The following SHC3 variants were observed in gnomAD, a reference collection of about 807,000 sequenced individuals.
SHC3 encodes the protein SHC adaptor protein 3, also known as SHC-transforming protein 3.
A neutral mutation model predicts 60.4 loss-of-function variants in SHC3; 15 were observed. That is an observed-to-expected ratio of 0.25 (90% CI 0.17 to 0.38). The LOEUF (loss-of-function observed/expected upper bound fraction) is 0.38, where lower values mean the gene tolerates loss of function less well. Among genes scored for constraint, SHC3 ranks in the 10% least tolerant of loss-of-function variants. The pLI is 1.00. For synonymous variants in SHC3, 294 were observed against 325.9 expected, an observed-to-expected ratio of 0.90 and a Z score of 1.05; for missense variants, 677 against 786.1, an observed-to-expected ratio of 0.86 and a Z score of 1.66.
chr9:89,028,777 T>TAGATATAGAG (rs997128994), intron 11 of SHC3, among the ~76,000 whole-genome samples: 1 of 146,454 alleles, frequency 6.8e-6, no homozygotes, highest in Non-Finnish European at 1.5e-5. Flanking sequence ...ATTCTCTATA[T>TAGATATAGAG]AGATATAGAG....
chr9:89,151,898 C>T (rs773373924), intron 1 of SHC3, among the ~76,000 whole-genome samples: 140 of 152,104 alleles, frequency 9.2e-4, no homozygotes, highest in Non-Finnish European at 3.4e-4. Flanking sequence ...CTGCAATTAG[C>T]ATGTATTGCC....
At chr9:89,124,925 T>A (rs965357392) in intron 1 of SHC3, among the ~76,000 whole-genome samples, 2 of 152,032 alleles carry the variant, frequency 1.3e-5, no homozygotes, top group Non-Finnish European at 2.9e-5. Flanking sequence ...TAAATGTGTA[T>A]CTGCACCTGT....
intron 7 of SHC3, among the ~76,000 whole-genome samples, chr9:89,049,253 T>TC (rs1824824213): frequency 6.7e-6 from 1 of 150,252 alleles, no homozygotes; most frequent in African/African-American, 2.5e-5. Context: ...AGAGCCAGAC[T>TC]CCCTCTTAAA....
chr9:89,041,470 G>A (rs1166327202), intron 10 of SHC3, among the ~76,000 whole-genome samples: 1 of 152,178 alleles, frequency 6.6e-6, no homozygotes, highest in Non-Finnish European at 1.5e-5. Context: ...AATGGTAAGT[G>A]TTCAGTAAAT....
At chr9:89,115,488 G>A (rs1399669831) in intron 1 of SHC3, among the ~76,000 whole-genome samples, 1 of 152,068 alleles carries the variant, frequency 6.6e-6, no homozygotes, top group African/African-American at 2.4e-5. Flanking sequence ...AAATGTCATG[G>A]GTTCATGTGA....
chr9:89,024,109 G>A (rs896876263), intron 11 of SHC3, among the ~76,000 whole-genome samples: 3 of 152,070 alleles, frequency 2.0e-5, no homozygotes, highest in African/African-American at 7.2e-5. Flanking sequence ...TGCCTTCCCA[G>A]TTCACTCAGC....
At chr9:89,168,441 G>A (rs773134452) in intron 1 of SHC3, among the ~76,000 whole-genome samples, 2 of 151,912 alleles carry the variant, frequency 1.3e-5, no homozygotes, top group Non-Finnish European at 2.9e-5. Context: ...TCCAGCCTGG[G>A]CAACAAGAGC....
chr9:89,065,489 G>C (rs1299183525), intron 6 of SHC3, 40 bp downstream of exon 6: 1 of 1,606,934 alleles, frequency 6.2e-7, no homozygotes. Context: ...AAGCCTGGCT[G>C]TACACAAACA....
intron 11 of SHC3, among the ~76,000 whole-genome samples, chr9:89,034,485 C>G (rs1477230724): frequency 6.6e-6 from 1 of 152,148 alleles, no homozygotes; most frequent in East Asian, 1.9e-4. Context: ...CTAGTCAGAG[C>G]AATGGGGTGA....
At chr9:89,058,684 G>A (rs1213173046) in intron 6 of SHC3, among the ~76,000 whole-genome samples, 2 of 148,230 alleles carry the variant, frequency 1.3e-5, no homozygotes, top group Non-Finnish European at 3.0e-5. Context: ...TGTAGGATGT[G>A]ATGGAGGGCG....
rs144038565 is a variant in SHC3, at chr9:89,077,106, G to A, written c.609+734C>T. 2.0e-3 allele frequency among the ~76,000 whole-genome samples: 297 copies of A among 152,070 alleles called. 1 individual carries two copies. The highest frequency in any genetic ancestry group is 6.6e-3 in the African/African-American group (275 of 41,474). On this transcript the variant is annotated intron_variant, in intron 3 of 11. Transcript: ENST00000375835. ...CCAGGAGAATCGCTTGAACCCAGGA[G>A]GCGGAGATTTCAGTCAGCCAAGATC...
intron 3 of SHC3, among the ~76,000 whole-genome samples, chr9:89,076,541 G>A (rs1413871130): frequency 6.6e-6 from 1 of 151,908 alleles, no homozygotes; most frequent in Non-Finnish European, 1.5e-5. Context: ...AACTGAAGAG[G>A]TTTTCATGGT....
intron 2 of SHC3, among the ~76,000 whole-genome samples, chr9:89,111,585 A>G (rs1825947760): frequency 6.6e-6 from 1 of 152,044 alleles, no homozygotes; most frequent in Non-Finnish European, 1.5e-5. Flanking sequence ...GGAAAGAGAA[A>G]AAAAAAAAAC....
At chr9:89,060,109 G>T (rs1296056941) in intron 6 of SHC3, among the ~76,000 whole-genome samples, 1 of 150,074 alleles carries the variant, frequency 6.7e-6, no homozygotes, top group Non-Finnish European at 1.5e-5. Flanking sequence ...TGGAGGATGT[G>T]GTGGAGGACA....
intron 11 of SHC3, among the ~76,000 whole-genome samples, chr9:89,014,178 G>A (rs918659585): frequency 3.9e-5 from 6 of 152,190 alleles, no homozygotes; most frequent in African/African-American, 7.2e-5. Context: ...TGGGTCAGAG[G>A]TACAGGCTCC....
At chr9:89,160,158 A>G (rs1161155212) in intron 1 of SHC3, among the ~76,000 whole-genome samples, 1 of 152,224 alleles carries the variant, frequency 6.6e-6, no homozygotes, top group Non-Finnish European at 1.5e-5. Context: ...GCTGATATGT[A>G]GTGTCAGGTG....
rs142478524 is a variant in SHC3 at position 89,123,442 on chromosome 9, G to A, written c.475-10816C>T. Among the ~76,000 whole-genome samples, 1,160 of 152,180 alleles carry A rather than the reference G, an allele frequency of 7.6e-3. 6 individuals are homozygous for A. The highest frequency in any genetic ancestry group is 0.012 in the Non-Finnish European group (788 of 68,004). On this transcript the variant is annotated intron_variant, in intron 1 of 11. Transcript: ENST00000375835. ...GGGTCATCTCATTCTGATGAGAGAT[G>A]GAAGAGGGAAGGGGAGGCAGTGAGA...
At chr9:89,161,230 C>G (rs777022611) in intron 1 of SHC3, among the ~76,000 whole-genome samples, 1 of 152,178 alleles carries the variant, frequency 6.6e-6, no homozygotes, top group Non-Finnish European at 1.5e-5. Context: ...AGCACCACCC[C>G]CTTCATGCAT....
At chr9:89,069,867 T>C (rs1375461741) in intron 5 of SHC3, among the ~76,000 whole-genome samples, 2 of 152,246 alleles carry the variant, frequency 1.3e-5, no homozygotes, top group Non-Finnish European at 2.9e-5. Flanking sequence ...ACCTTTGACA[T>C]TGCTCCTTCA....
Sources: gnomAD v4.1 joint callset for allele counts (sites outside exome capture counted in the v4.1 genomes callset) on GRCh38, gnomAD v4.1.1 for gene constraint, MANE v1.5 for transcripts, NCBI Gene and HGNC (gene_info 2026-07-23, HGNC 2026-07-21) for gene names.